Variants in FHOD3 observed in about 807,000 individuals in gnomAD.
The protein encoded by FHOD3 is formin homology 2 domain containing 3, also known as FH1/FH2 domain-containing protein 3.
Under a neutral mutation model 173.0 loss-of-function variants are expected in FHOD3, and 90 were observed. That is an observed-to-expected ratio of 0.52 (90% CI 0.44 to 0.62). FHOD3 has a LOEUF of 0.62. Ranked by LOEUF, FHOD3 falls within the 20% of genes least tolerant of loss-of-function variation. The pLI, the probability that FHOD3 is intolerant of heterozygous loss-of-function variation, is 0.00. For missense variants in FHOD3, 1,945 were observed against 2,034.7 expected, an observed-to-expected ratio of 0.96 and a Z score of 0.85; for synonymous variants, 828 against 823.0, an observed-to-expected ratio of 1.01 and a Z score of -0.10.
chr18:36,639,662 C>CAA (rs565028489), intron 10 of FHOD3, among the ~76,000 whole-genome samples: 16 of 77,860 alleles, frequency 2.1e-4, no homozygotes, highest in Admixed American at 4.9e-4. Context: ...GACTCCATCT[C>CAA]AAAAAAAAAA....
At chr18:36,681,414 C>T (rs1555803459) in intron 14 of FHOD3, 22 bp from the exon 15 acceptor site, 1 of 1,613,134 alleles carries the variant, frequency 6.2e-7, no homozygotes, top group Non-Finnish European at 8.5e-7. Context: ...GCAACTGAAA[C>T]ATTAACTCAT....
At chr18:36,519,404 G>C (rs1476809982) in intron 5 of FHOD3, among the ~76,000 whole-genome samples, 2 of 152,190 alleles carry the variant, frequency 1.3e-5, no homozygotes, top group Non-Finnish European at 1.5e-5. Context: ...AGGTCAGTGG[G>C]GTGTGGTTGG....
At chr18:36,739,019 T>C (rs968247252) in intron 20 of FHOD3, among the ~76,000 whole-genome samples, 1 of 152,094 alleles carries the variant, frequency 6.6e-6, no homozygotes, top group African/African-American at 2.4e-5. Context: ...CTGGTTCAGA[T>C]GGGATAAAGC....
chr18:36,698,684 A>G (rs2039416530), intron 17 of FHOD3, among the ~76,000 whole-genome samples: 1 of 152,206 alleles, frequency 6.6e-6, no homozygotes, highest in Admixed American at 6.5e-5. Flanking sequence ...GAACTGAAAC[A>G]TTACCCTATT....
intron 6 of FHOD3, among the ~76,000 whole-genome samples, chr18:36,587,714 C>T (rs1268493953): frequency 6.6e-6 from 1 of 152,104 alleles, no homozygotes; most frequent in East Asian, 1.9e-4. Flanking sequence ...TTGCTTGAAC[C>T]CTCGAGGTGG....
chr18:36,404,640 A>G (rs992238782), intron 3 of FHOD3, among the ~76,000 whole-genome samples: 7 of 152,262 alleles, frequency 4.6e-5, no homozygotes, highest in Admixed American at 3.9e-4. Context: ...ACAAGCCCCT[A>G]GGTGATGTCA....
chr18:36,399,576 G>T (rs1019078577), intron 3 of FHOD3, among the ~76,000 whole-genome samples: 5 of 152,148 alleles, frequency 3.3e-5, no homozygotes, highest in African/African-American at 1.2e-4. Flanking sequence ...GTGGCTCCTG[G>T]AGGCATTTTC....
At chr18:36,308,927 C>T (rs1255841470) in intron 1 of FHOD3, among the ~76,000 whole-genome samples, 1 of 152,148 alleles carries the variant, frequency 6.6e-6, no homozygotes, top group Non-Finnish European at 1.5e-5. Flanking sequence ...TAACTCCTCC[C>T]CCACACTGTA....
rs542091518 is a variant in FHOD3, at chr18:36,693,916, T to A, written c.2236+493T>A. ...GGAAGAAGGAAAATAATTCAAATTG[T>A]AAAAATTACTGGCACATGGTTGGAT... is the stretch of plus-strand genomic sequence containing the variant. On this transcript the variant is annotated intron_variant, in intron 17 of 28. Transcript: ENST00000590592. 5.9e-5 allele frequency among the ~76,000 whole-genome samples: 9 copies of A among 152,260 alleles called. No individual in the cohort carries two copies. In the South Asian group the frequency reaches 1.2e-3, roughly 21 times the overall value.
At chr18:36,307,880 C>T (rs1034430101) in intron 1 of FHOD3, among the ~76,000 whole-genome samples, 4 of 152,226 alleles carry the variant, frequency 2.6e-5, no homozygotes, top group Non-Finnish European at 5.9e-5. Flanking sequence ...CCAAAGGGAA[C>T]CACTCTTAAC....
At chr18:36,667,776 C>T (rs2037277702) in intron 14 of FHOD3, among the ~76,000 whole-genome samples, 1 of 152,084 alleles carries the variant, frequency 6.6e-6, no homozygotes, top group African/African-American at 2.4e-5. Flanking sequence ...ACTGAGGCTA[C>T]ACTAACGTTA....
intron 4 of FHOD3, among the ~76,000 whole-genome samples, chr18:36,511,655 C>A (rs12458763): frequency 0.066 from 9,991 of 152,198 alleles, 560 homozygotes; most frequent in South Asian, 0.22. Context: ...CAGGGCCTCC[C>A]GCTAGAGATT....
chr18:36,689,177 T>C lies in FHOD3; in HGVS notation c.2021+1999T>C, dbSNP rs115801659. 1.2e-3 allele frequency among the ~76,000 whole-genome samples: 185 copies of C among 152,332 alleles called. 1 individual carries two copies. Among genetic ancestry groups the C allele is most frequent in the African/African-American group, 4.3e-3 (180 of 41,572 alleles). ...AGACTTTCATCCCTGTTTCAAAAGCTTTTAAGAGTTCCTACTAAGCCAGGA... is the reference window on the plus strand; with the variant it reads ...AGACTTTCATCCCTGTTTCAAAAGCCTTTAAGAGTTCCTACTAAGCCAGGA... On this transcript the variant is annotated intron_variant, in intron 16 of 28. Coordinates refer to ENST00000590592, the MANE Select transcript of FHOD3 (RefSeq NM_001281740.3).
chr18:36,346,185 G>A (rs578091498), intron 1 of FHOD3, among the ~76,000 whole-genome samples: 6 of 152,262 alleles, frequency 3.9e-5, no homozygotes, highest in African/African-American at 1.2e-4. Context: ...GGGCAACATG[G>A]CGAGGCCTTG....
chr18:36,384,379 C>T (rs1193216535), intron 3 of FHOD3, among the ~76,000 whole-genome samples: 2 of 148,588 alleles, frequency 1.3e-5, no homozygotes, highest in Non-Finnish European at 3.0e-5. Context: ...GACTCTGTCT[C>T]AAAAAAACAA....
chr18:36,703,835 C>T (rs867734553), intron 17 of FHOD3, among the ~76,000 whole-genome samples: 33 of 152,300 alleles, frequency 2.2e-4, no homozygotes, highest in East Asian at 1.2e-3. Context: ...CTCCATCTGA[C>T]GGGGCAGCCT....
intron 5 of FHOD3, among the ~76,000 whole-genome samples, chr18:36,557,076 TTTCTG>T (rs1179548084): frequency 6.6e-6 from 1 of 152,188 alleles, no homozygotes; most frequent in African/African-American, 2.4e-5. Flanking sequence ...ATGCATCTAT[TTTCTG>T]TTCTTCTGTA....
chr18:36,761,641 G>A (rs1012639498), intron 27 of FHOD3, among the ~76,000 whole-genome samples: 11 of 151,996 alleles, frequency 7.2e-5, no homozygotes, highest in African/African-American at 1.9e-4. Context: ...TGCCTGTCCC[G>A]TTCCCATTCA....
At chr18:36,488,102 A>G (rs563023170) in intron 3 of FHOD3, among the ~76,000 whole-genome samples, 36 of 152,250 alleles carry the variant, frequency 2.4e-4, no homozygotes, top group Admixed American at 5.2e-4. Flanking sequence ...TCTTTGCTTT[A>G]TGTGATACTT....
Sources: gnomAD v4.1 joint callset for allele counts (sites outside exome capture counted in the v4.1 genomes callset) on GRCh38, gnomAD v4.1.1 for gene constraint, MANE v1.5 for transcripts, NCBI Gene and HGNC (gene_info 2026-07-23, HGNC 2026-07-21) for gene names.